FCER1A: variants seen among roughly 807,000 people sequenced by gnomAD.
FCER1A encodes the protein high affinity immunoglobulin epsilon receptor subunit alpha.
FCER1A carries 24 observed loss-of-function variants against 23.6 expected under a neutral mutation model. That is an observed-to-expected ratio of 1.02 (90% CI 0.74 to 1.43). The LOEUF (loss-of-function observed/expected upper bound fraction) is 1.43, where lower values mean the gene tolerates loss of function less well. Ranked by LOEUF, FCER1A falls within the 40% of genes most tolerant of loss-of-function variation. The pLI is 0.00. For synonymous variants in FCER1A, 121 were observed against 108.8 expected (o/e 1.11, Z -0.70); for missense variants, 318 against 294.5 (o/e 1.08, Z -0.58).
At chr1:159,284,594 A>G in the FCER1A span, among the ~76,000 whole-genome samples, 1 of 152,232 alleles carries the variant, frequency 6.6e-6, no homozygotes, top group Non-Finnish European at 1.5e-5. Context: ...AAAACAGAAA[A>G]GGAAAAATAA....
upstream of FCER1A, among the ~76,000 whole-genome samples, chr1:159,289,423 A>G (rs1652092771): frequency 6.6e-6 from 1 of 152,196 alleles, no homozygotes; most frequent in Non-Finnish European, 1.5e-5. Flanking sequence ...ACCTTAGCAC[A>G]CTTGTAGTAC....
chr1:159,290,640 T>C (rs1021063171), intron 1 of FCER1A, among the ~76,000 whole-genome samples: 5 of 152,162 alleles, frequency 3.3e-5, no homozygotes, highest in Non-Finnish European at 7.4e-5. Context: ...AGTTGTATAA[T>C]CTAAACCTCC....
chr1:159,288,050 A>C (rs148238361), upstream of FCER1A, among the ~76,000 whole-genome samples: 3 of 152,296 alleles, frequency 2.0e-5, no homozygotes, highest in African/African-American at 7.2e-5. Context: ...ATATTGTGAT[A>C]CATGCTATGA....
chr1:159,294,392 T>C (rs975053464), intron 1 of FCER1A, among the ~76,000 whole-genome samples: 55 of 152,180 alleles, frequency 3.6e-4, no homozygotes, highest in Non-Finnish European at 7.6e-4. Context: ...AAAATTCTTG[T>C]TCCAGCCTTT....
upstream of FCER1A, among the ~76,000 whole-genome samples, chr1:159,286,980 AAG>A (rs1482947689): frequency 1.3e-5 from 2 of 152,354 alleles, no homozygotes; most frequent in East Asian, 3.9e-4. Context: ...CTAAGTAAAA[AAG>A]ATTAATTCTC....
upstream of FCER1A, among the ~76,000 whole-genome samples, chr1:159,286,850 C>G (rs1652031938): frequency 6.6e-6 from 1 of 152,132 alleles, no homozygotes. Context: ...ATTCTGACTA[C>G]AAATAGTCAT....
chr1:159,305,499 C>T (rs572788269), intron 3 of FCER1A, among the ~76,000 whole-genome samples: 2 of 151,894 alleles, frequency 1.3e-5, no homozygotes, highest in Non-Finnish European at 2.9e-5. Context: ...GGGAAGAGGA[C>T]ATTAAATAAA....
upstream of FCER1A, among the ~76,000 whole-genome samples, chr1:159,287,760 A>G (rs1013750274): frequency 6.7e-6 from 1 of 148,214 alleles, no homozygotes; most frequent in East Asian, 1.9e-4. Flanking sequence ...ATGTATGTAT[A>G]TTTATATATA....
the FCER1A span, among the ~76,000 whole-genome samples, chr1:159,284,265 C>G: frequency 6.6e-6 from 1 of 152,170 alleles, no homozygotes; most frequent in Non-Finnish European, 1.5e-5. Context: ...TTAGGGAGAT[C>G]CATCACCCAC....
intron 4 of FCER1A, among the ~76,000 whole-genome samples, chr1:159,307,239 A>G (rs1652643132): frequency 6.6e-6 from 1 of 152,238 alleles, no homozygotes. Context: ...CTGAGGCTCT[A>G]TAATTTGAGA....
upstream of FCER1A, among the ~76,000 whole-genome samples, chr1:159,298,479 T>C (rs1178534928): frequency 6.6e-6 from 1 of 152,184 alleles, no homozygotes; most frequent in Non-Finnish European, 1.5e-5. Context: ...GAGTTTCCAT[T>C]TATTTCCTTT....
chr1:159,295,534 C>T (rs908087120), intron 1 of FCER1A, among the ~76,000 whole-genome samples: 80 of 152,128 alleles, frequency 5.3e-4, no homozygotes, highest in African/African-American at 1.7e-3. Context: ...CACTATTCTA[C>T]GGGAATGGCC....
At chr1:159,302,946 C>T (rs971990972) in intron 2 of FCER1A, 72 bp downstream of exon 2, 15 of 1,377,016 alleles carry the variant, frequency 1.1e-5, no homozygotes, top group Admixed American at 5.0e-5. Context: ...CTATTTTCTT[C>T]GTCCCATCAC....
chr1:159,299,969 C>CT (rs1652390421), upstream of FCER1A, among the ~76,000 whole-genome samples: 2 of 84,978 alleles, frequency 2.4e-5, no homozygotes, highest in South Asian at 8.3e-4. Flanking sequence ...TAATGGTTTG[C>CT]TTTTTTGGGG....
At chr1:159,298,650 G>T (rs1251514637), upstream of FCER1A, among the ~76,000 whole-genome samples, 1 of 152,140 alleles carries the variant, frequency 6.6e-6, no homozygotes, top group Non-Finnish European at 1.5e-5. Context: ...AGTAAATGCA[G>T]CTGATATCCT....
At position 159,302,853 on chromosome 1, in the gene FCER1A, G is replaced by A; in HGVS notation, c.56-1G>A. ...AATGTATCCTCTCTGGACTTTTGCA[G>A]CTCCAGATGGCGTGTTAGCAGGTGA... On this transcript the variant is annotated splice_acceptor_variant, in intron 1 of 4. Transcript: ENST00000693622. LOFTEE classifies it high-confidence loss of function. 1.2e-6 allele frequency: 2 copies of A among 1,613,736 alleles called. No individual in the cohort carries two copies. The highest frequency in any genetic ancestry group is 1.7e-6 in the Non-Finnish European group (2 of 1,179,618).
At chr1:159,298,792 G>C (rs1415299532), upstream of FCER1A, among the ~76,000 whole-genome samples, 1 of 152,154 alleles carries the variant, frequency 6.6e-6, no homozygotes, top group Non-Finnish European at 1.5e-5. Context: ...AGATGTCATG[G>C]CCTGAATTAA....
At chr1:159,305,935 T>TTC (rs1187342675) in intron 3 of FCER1A, 53 bp from the exon 4 acceptor site, 50 of 1,509,410 alleles carry the variant, frequency 3.3e-5, no homozygotes, top group Non-Finnish European at 4.5e-5. Context: ...TCTCTATTCA[T>TTC]TCTCTCTCTC....
upstream of FCER1A, among the ~76,000 whole-genome samples, chr1:159,297,635 T>C (rs1481314234): frequency 1.3e-5 from 2 of 152,212 alleles, no homozygotes; most frequent in African/African-American, 4.8e-5. Flanking sequence ...ACTTTAGAGC[T>C]TGTTCCTAGC....
Sources: allele counts gnomAD v4.1 joint callset (sites outside exome capture counted in the v4.1 genomes callset), GRCh38; gene constraint gnomAD v4.1.1; transcripts MANE v1.5; gene names NCBI Gene and HGNC (gene_info 2026-07-23, HGNC 2026-07-21).